CALHM3: variants seen among roughly 807,000 people sequenced by gnomAD.
The protein encoded by CALHM3 is calcium homeostasis modulator protein 3.
Under a neutral mutation model 13.6 loss-of-function variants are expected in CALHM3, and 9 were observed. The observed-to-expected ratio is 0.66, with a 90% CI of 0.40 to 1.15. CALHM3 has a LOEUF of 1.15. CALHM3 is among the 50% of genes most tolerant of loss of function. The probability of loss-of-function intolerance (pLI) is 0.01; values close to 1 mark genes in which losing one functional copy is unlikely to be tolerated. For synonymous variants in CALHM3, 231 were observed against 213.2 expected (o/e 1.08, Z -0.73); for missense variants, 497 against 463.4 (o/e 1.07, Z -0.67).
intron 1 of CALHM3, 64 bp from the exon 2 acceptor site, chr10:103,476,613 C>T: frequency 1.3e-6 from 2 of 1,527,980 alleles, no homozygotes; most frequent in Non-Finnish European, 1.8e-6. Context: ...AGGGGAGGTG[C>T]AAGGATGGAC....
In CALHM3 at chr10:103,476,384, G is replaced by A; in HGVS notation, c.453C>T (p.Phe151=). Residue 151 remains phenylalanine (F), a synonymous_variant, in exon 2 of 3, where the codon TTC becomes TTT. Transcript: ENST00000369783. ...CCTCCTTGCAGGGAACCTTGGCCAG[G>A]AAGAGCTGTACCTGGCTGGGGGTCA... ...ANMTPSQVQL[F]LAKVPCKEDE... is the part of the protein sequence containing the mutation. The A allele has an allele frequency of 6.4e-7, 1 of 1,551,746 alleles. No homozygotes were observed. The highest frequency in any genetic ancestry group is 8.7e-7 in the Non-Finnish European group (1 of 1,147,000).
intron 2 of CALHM3, among the ~76,000 whole-genome samples, chr10:103,475,175 T>C (rs17115676): frequency 0.053 from 8,100 of 152,272 alleles, 714 homozygotes; most frequent in African/African-American, 0.18. Flanking sequence ...TGAGACCTGA[T>C]GCAATTGTGT....
chr10:103,477,792 C>T (rs2033407189), intron 1 of CALHM3, among the ~76,000 whole-genome samples: 1 of 152,024 alleles, frequency 6.6e-6, no homozygotes. Flanking sequence ...AGAGTGGTCT[C>T]GAACTCCTGA....
In CALHM3 at chr10:103,473,715, A is replaced by G; in HGVS notation, c.544-11T>C. ...GCTCCAGCCGATGGCCTGCAAAGTA[A>G]GGAGGCCCGAGGTTAGATGTGAGTG... On this transcript the variant is annotated splice_polypyrimidine_tract_variant and intron_variant, in intron 2 of 2. Coordinates refer to ENST00000369783, the MANE Select transcript of CALHM3 (RefSeq NM_001129742.2). 1 of 1,539,326 alleles carries G rather than the reference A, an allele frequency of 6.5e-7. No homozygotes were observed. Among genetic ancestry groups the G allele is most frequent in the Non-Finnish European group, 8.8e-7 (1 of 1,142,344 alleles).
At chr10:103,478,667 G>C in intron 1 of CALHM3, 79 bp downstream of exon 1, 2 of 1,368,350 alleles carry the variant, frequency 1.5e-6, no homozygotes, top group South Asian at 1.5e-5. Context: ...GGGTCTGGGG[G>C]TGCACTTGAC....
intron 1 of CALHM3, among the ~76,000 whole-genome samples, chr10:103,478,292 T>C (rs1017215062): frequency 3.9e-5 from 6 of 152,244 alleles, no homozygotes; most frequent in African/African-American, 1.2e-4. Context: ...ATTTCCTCTG[T>C]ATCTTTAGGT....
At chr10:103,475,835 T>C (rs1369646359) in intron 2 of CALHM3, among the ~76,000 whole-genome samples, 1 of 151,696 alleles carries the variant, frequency 6.6e-6, no homozygotes, top group Non-Finnish European at 1.5e-5. Flanking sequence ...GATAATAGAG[T>C]TGGTGCCTTT....
rs1346053908 is a variant in CALHM3, at chr10:103,478,986, T to G, written c.47A>C (p.Glu16Ala). The change falls in exon 1 of 3, where the codon GAG (glutamate) becomes GCG (alanine). Residue 16 changes from glutamate to alanine, a missense_variant. Transcript: ENST00000369783. Reference sequence around the variant, plus strand: ...CAGGCAGATGCCATTCATCACCGACTCCGAGCTTGACTGGAAGTGCTGGAA... The same window carrying G: ...CAGGCAGATGCCATTCATCACCGACGCCGAGCTTGACTGGAAGTGCTGGAA... ...MLFQHFQSSS[E>A]SVMNGICLLL... 3.9e-6 allele frequency: 6 copies of G among 1,551,516 alleles called. No individual in the cohort carries two copies. The highest frequency in any genetic ancestry group is 2.0e-5 in the Admixed American group (1 of 50,994).
At chr10:103,478,676 A>T (rs917017588) in intron 1 of CALHM3, 70 bp downstream of exon 1, 55 of 1,419,798 alleles carry the variant, frequency 3.9e-5, no homozygotes, top group Non-Finnish European at 5.2e-5. Context: ...GGTGCACTTG[A>T]CAGTGCCTGT....
Position 103,476,568 on chromosome 10 carries a change from G to A in CALHM3, c.288-19C>T. 6.5e-7 allele frequency: 1 copy of A among 1,549,620 alleles called. No homozygotes were observed. Among genetic ancestry groups the A allele is most frequent in the African/African-American group, 1.4e-5 (1 of 73,164 alleles). ...CATGTACCTGGCAGCAGAGGAAGGA[G>A]GGGGGTCAAGGGGCAGCTGGAAGTC... On this transcript the variant is annotated intron_variant, in intron 1 of 2. Coordinates refer to ENST00000369783, the MANE Select transcript of CALHM3 (RefSeq NM_001129742.2).
Position 103,473,078 on chromosome 10 carries a change from T to C in CALHM3, c.*135A>G. ...CCACACCCAGAAACTAGGCAGAGAT[T>C]GGGCTACTTTAAAAAGGAGGCTAAC... On this transcript the variant is annotated 3_prime_UTR_variant, in exon 3 of 3. Transcript: ENST00000369783. The C allele has an allele frequency of 1.0e-6, 1 of 962,022 alleles. No homozygotes were observed. Among genetic ancestry groups the C allele is most frequent in the Non-Finnish European group, 1.4e-6 (1 of 734,994 alleles). The allele number at this position is 962,022 out of a possible 1,614,324, so 59.6% of individuals were successfully genotyped here. A position where few individuals can be genotyped will look rare whatever the true frequency, so the allele number is the denominator to read the frequency against.
rs939423288 is a variant in CALHM3, at chr10:103,473,457, G to C, written c.791C>G (p.Ala264Gly). 1.3e-6 allele frequency: 2 copies of C among 1,530,612 alleles called. No individual in the cohort carries two copies. The highest frequency in any genetic ancestry group is 1.8e-6 in the Non-Finnish European group (2 of 1,141,498). 94.8% of individuals were successfully genotyped at this position (1,530,612 alleles called of 1,614,324 possible). A position where few individuals can be genotyped will look rare whatever the true frequency, so the allele number is the denominator to read the frequency against. Residue 264 changes from alanine (A) to glycine (G), a missense_variant, in exon 3 of 3, where the codon GCA becomes GGA. Ala to Gly is a moderately conservative substitution (Grantham distance 60, BLOSUM62 0). Coordinates refer to ENST00000369783, the MANE Select transcript of CALHM3 (RefSeq NM_001129742.2). ...LQARGLRRGNAGRRLELPAVP... is the reference protein window; with the variant it reads ...LQARGLRRGNGGRRLELPAVP... ...TGCGGGGAGCTCGAGTCTCCTGCCTGCATTGCCCCGGCGCAGCCCCCGCGC... is the reference window on the plus strand; with the variant it reads ...TGCGGGGAGCTCGAGTCTCCTGCCTCCATTGCCCCGGCGCAGCCCCCGCGC...
In CALHM3 at chr10:103,479,189, G is replaced by A; in HGVS notation, c.-157C>T. 1 of 837,896 alleles carries A rather than the reference G, an allele frequency of 1.2e-6. No homozygotes were observed. The highest frequency in any genetic ancestry group is 1.8e-6 in the Non-Finnish European group (1 of 556,244). The allele number at this position is 837,896 out of a possible 1,614,324, so 51.9% of individuals were successfully genotyped here. A position where few individuals can be genotyped will look rare whatever the true frequency, so the allele number is the denominator to read the frequency against. The stretch of plus-strand genomic sequence containing the variant: ...GGGGCCAAGGAGGAAGCAGTGCCCA[G>A]GCCCCAGCCCAGGCTCCCGGGATCC... On this transcript the variant is annotated 5_prime_UTR_variant, in exon 1 of 3. Coordinates refer to ENST00000369783, the MANE Select transcript of CALHM3 (RefSeq NM_001129742.2).
At chr10:103,474,757 C>T (rs1487557617) in intron 2 of CALHM3, among the ~76,000 whole-genome samples, 3 of 152,132 alleles carry the variant, frequency 2.0e-5, no homozygotes, top group Non-Finnish European at 1.5e-5. Flanking sequence ...GCCCGGCCCC[C>T]CTCATCTTTT....
chr10:103,474,526 C>T (rs1300431440), intron 2 of CALHM3, among the ~76,000 whole-genome samples: 3 of 152,112 alleles, frequency 2.0e-5, no homozygotes, highest in Non-Finnish European at 4.4e-5. Flanking sequence ...CGTGATTCAG[C>T]TCACTGGAAC....
intron 2 of CALHM3, 147 bp downstream of exon 2, chr10:103,476,147 A>T: frequency 9.4e-7 from 1 of 1,065,108 alleles, no homozygotes; most frequent in Non-Finnish European, 1.4e-6. Context: ...CAGGCAAGGC[A>T]GAGCAGTGGT....
Position 103,473,499 on chromosome 10 carries a change from A to G in CALHM3, c.749T>C (p.Met250Thr). 1 of 1,550,930 alleles carries G rather than the reference A, an allele frequency of 6.4e-7. No individual in the cohort carries two copies. Among genetic ancestry groups the G allele is most frequent in the Non-Finnish European group, 8.7e-7 (1 of 1,146,828 alleles). ...HRCVLHFFAS[M>T]RSELQARGLR... ...CCCCCGCGCCTGCAGCTCACTCCGCATGCTGGCAAAGAAGTGCAGCACGCA... is the reference window on the plus strand; with the variant it reads ...CCCCCGCGCCTGCAGCTCACTCCGCGTGCTGGCAAAGAAGTGCAGCACGCA... Residue 250 changes from methionine to threonine, a missense_variant, in exon 3 of 3, where the codon ATG (methionine) becomes ACG (threonine). Transcript: ENST00000369783.
At chr10:103,473,763 G>A in intron 2 of CALHM3, 59 bp from the exon 3 acceptor site, 12 of 1,439,742 alleles carry the variant, frequency 8.3e-6, no homozygotes, top group Non-Finnish European at 1.1e-5. Flanking sequence ...ATATACATAT[G>A]TATTTATGAA....
In CALHM3 at chr10:103,473,221, C is replaced by T. The variant is rs2033342063; in HGVS notation, c.1027G>A (p.Asp343Asn). 1.6e-5 allele frequency: 23 copies of T among 1,420,134 alleles called. No individual in the cohort carries two copies. Among genetic ancestry groups the T allele is most frequent in the Admixed American group, 3.3e-5 (1 of 30,630 alleles). 88.0% of individuals were successfully genotyped at this position (1,420,134 alleles called of 1,614,324 possible). A position where few individuals can be genotyped will look rare whatever the true frequency, so the allele number is the denominator to read the frequency against. Residue 343 changes from aspartate (D) to asparagine (N), a missense_variant, in exon 3 of 3, where the codon GAC becomes AAC. By Grantham distance (23) the Asp-to-Asn change is conservative. Transcript: ENST00000369783. ...CAAGCCTGGCCAGGACCCTACACGT[C>T]GGTGTGTTGTGACAGCCTCGTGCCC... ...ALGTRLSQHT[D>N]V
Sources: allele counts gnomAD v4.1 joint callset (sites outside exome capture counted in the v4.1 genomes callset), GRCh38; gene constraint gnomAD v4.1.1; transcripts MANE v1.5; gene names NCBI Gene and HGNC (gene_info 2026-07-23, HGNC 2026-07-21).